The following ZNF512B variants were observed in gnomAD, a reference collection of about 807,000 sequenced individuals.
ZNF512B encodes the protein zinc finger protein 512B.
ZNF512B carries 22 observed loss-of-function variants against 87.8 expected under a neutral mutation model. That is an observed-to-expected ratio of 0.25 (90% CI 0.18 to 0.36). ZNF512B has a LOEUF of 0.36. Among genes scored for constraint, ZNF512B ranks in the 10% least tolerant of loss-of-function variants. ZNF512B has a pLI of 1.00. For synonymous variants in ZNF512B, 524 were observed against 490.9 expected (o/e 1.07, Z -0.89); for missense variants, 1,060 against 1,231.6 (o/e 0.86, Z 2.09).
chr20:63,962,683 C>T lies in ZNF512B; in HGVS notation c.2067G>A (p.Val689=). The T allele has an allele frequency of 6.2e-7, 1 of 1,604,660 alleles. No individual in the cohort carries two copies. Among genetic ancestry groups the T allele is most frequent in the Non-Finnish European group, 8.5e-7 (1 of 1,177,022 alleles). Reference sequence around the variant, plus strand: ...CTATCTCCTGCAGGTGGAACACCGCCACCTGGGCCGACGTGCGGCGGACAC... The same window carrying T: ...CTATCTCCTGCAGGTGGAACACCGCTACCTGGGCCGACGTGCGGCGGACAC... ...SGRVRRTSAQ[V]AVFHLQEIAE... Residue 689 remains valine (V), a synonymous_variant, in exon 13 of 17, where the codon GTG becomes GTA. Transcript: ENST00000369888.
Position 63,966,332 on chromosome 20 carries a change from A to T in ZNF512B, c.843T>A (p.Leu281=), listed in dbSNP as rs759111039. 1.9e-6 allele frequency: 3 copies of T among 1,594,582 alleles called. No homozygotes were observed. The highest frequency in any genetic ancestry group is 2.2e-5 in the South Asian group (2 of 89,548). The change falls in exon 5 of 17, where the codon CTT becomes CTA. Residue 281 remains leucine, a synonymous_variant. Transcript: ENST00000369888. The stretch of plus-strand genomic sequence containing the variant: ...CCGGCACGGGTTTCGTAACTGTCAC[A>T]AGCTTTGTTACCGTAATGGGTTTGG... The part of the protein sequence containing the change: ...PVTKPITVTK[L]VTVTKPVPVT...
rs989734169 is a variant in ZNF512B at position 63,961,634 on chromosome 20, C to T, written c.2329-227G>A. 2.6e-5 allele frequency among the ~76,000 whole-genome samples: 4 copies of T among 152,068 alleles called. No homozygotes were observed. The highest frequency in any genetic ancestry group is 5.9e-5 in the Non-Finnish European group (4 of 67,998). Reference sequence around the variant, plus strand: ...CAGGGGAAGAGTTGCAGACCTTTGCCGAGCATCCCTTATTGTAAGCCAGTG... The same window carrying T: ...CAGGGGAAGAGTTGCAGACCTTTGCTGAGCATCCCTTATTGTAAGCCAGTG... On this transcript the variant is annotated intron_variant, in intron 15 of 16. Coordinates refer to ENST00000369888, the MANE Select transcript of ZNF512B (RefSeq NM_020713.3). The surrounding 1 kb of genome is among the most constrained non-coding windows in gnomAD (Gnocchi z 6.4).
Position 63,961,674 on chromosome 20 carries a change from G to T in ZNF512B, c.2329-267C>A, listed in dbSNP as rs1235085151. 6.6e-6 allele frequency among the ~76,000 whole-genome samples: 1 copy of T among 152,124 alleles called. No homozygotes were observed. The highest frequency in any genetic ancestry group is 1.5e-5 in the Non-Finnish European group (1 of 68,018). ...GTAAGCCAGTGTGCCATCTGCGTGG[G>T]TCGGGGTGCCCACCCATGCCTACAT... is the stretch of plus-strand genomic sequence containing the variant. On this transcript the variant is annotated intron_variant, in intron 15 of 16. Transcript: ENST00000369888. This position sits in a 1 kb window ranked among gnomAD's most constrained non-coding sequence, Gnocchi z 6.4.
intron 1 of ZNF512B, among the ~76,000 whole-genome samples, chr20:63,968,633 C>T (rs1336951195): frequency 1.3e-5 from 2 of 152,226 alleles, no homozygotes; most frequent in Non-Finnish European, 2.9e-5. Flanking sequence ...CCTGTGCCGG[C>T]TGAACTATCC....
At chr20:63,967,322 G>T in intron 3 of ZNF512B, 59 bp downstream of exon 3, 1 of 1,536,858 alleles carries the variant, frequency 6.5e-7, no homozygotes. Flanking sequence ...TCAGGGCAGG[G>T]CAGTGGCTGG....
At position 63,961,229 on chromosome 20, in the gene ZNF512B, C is replaced by T. The variant is rs890446355; in HGVS notation, c.2427+80G>A. The T allele has an allele frequency of 4.2e-5, 57 of 1,367,782 alleles. No homozygotes were observed. In the South Asian group the frequency reaches 6.0e-4, roughly 14 times the overall value. The allele number at this position is 1,367,782 out of a possible 1,614,324, so 84.7% of individuals were successfully genotyped here. ...CCCATGCAGGCCACTGACCTCTCTA[C>T]CCCCAAGGGGTGCCCAACCCCAGCC... On this transcript the variant is annotated intron_variant, in intron 16 of 16. Transcript: ENST00000369888. This position sits in a 1 kb window ranked among gnomAD's most constrained non-coding sequence, Gnocchi z 6.4.
At position 63,959,897 on chromosome 20, in the gene ZNF512B, A is replaced by T. The variant is rs1348891241; in HGVS notation, c.2670T>A (p.Pro890=). 1 of 1,587,042 alleles carries T rather than the reference A, an allele frequency of 6.3e-7. No individual in the cohort carries two copies. The highest frequency in any genetic ancestry group is 2.2e-5 in the East Asian group (1 of 44,698). The change falls in exon 17 of 17, where the codon CCT becomes CCA. Residue 890 remains proline, a synonymous_variant. Transcript: ENST00000369888. The stretch of plus-strand genomic sequence containing the variant: ...GCCCCACGCACCATGCTCACTTTTC[A>T]GGCGCCTTGCTGACTCCCACCTTCC... ...TGRKVGVSKA[P]EK
rs1339160626 is a variant in ZNF512B, at chr20:63,963,136, C to G, written c.1927G>C (p.Ala643Pro). ...GAGCGCACGTGGTAGTCGTGGCCAG[C>G]CTTGGATCGGTACGTCTTGCCACAG... ...THCGKTYRSK[A>P]GHDYHVRSEH... The change falls in exon 12 of 17, where the codon GCT becomes CCT. Residue 643 changes from alanine (A) to proline (P), a missense_variant. This residue lies in a region of ZNF512B where 165 missense variants were observed against 173.0 expected (regional missense o/e 0.95). Coordinates refer to ENST00000369888, the MANE Select transcript of ZNF512B (RefSeq NM_020713.3). 1.9e-6 allele frequency: 3 copies of G among 1,556,554 alleles called. No homozygotes were observed. The highest frequency in any genetic ancestry group is 4.7e-5 in the East Asian group (2 of 42,232).
At position 63,969,720 on chromosome 20, in the gene ZNF512B, C is replaced by T; in HGVS notation, c.-3+94G>A. 2 of 142,818 alleles carry T rather than the reference C, an allele frequency of 1.4e-5. 1 individual carries two copies. Among genetic ancestry groups the T allele is most frequent in the South Asian group, 3.8e-4 (2 of 5,306 alleles). The allele number at this position is 142,818 out of a possible 1,614,324, so 8.8% of individuals were successfully genotyped here. A position where few individuals can be genotyped will look rare whatever the true frequency, so the allele number is the denominator to read the frequency against. ...GGGGCGGGGGGGCTCCGGGCCCGGC[C>T]CCCTCCTTGGCCTGCGCGCAGGGTC... On this transcript the variant is annotated intron_variant, in intron 1 of 16. Coordinates refer to ENST00000369888, the MANE Select transcript of ZNF512B (RefSeq NM_020713.3).
In ZNF512B at chr20:63,966,425, C is replaced by T; in HGVS notation, c.750G>A (p.Lys250=). 6.2e-7 allele frequency: 1 copy of T among 1,613,778 alleles called. No homozygotes were observed. The highest frequency in any genetic ancestry group is 8.5e-7 in the Non-Finnish European group (1 of 1,179,972). The part of the protein sequence containing the change: ...VTVSRPMPVT[K]AMPVTKPITV... ...TGATGGGTTTGGTGACCGGCATGGC[C>T]TTGGTGACGGGCATGGGCCTGCTGA... Residue 250 remains lysine (K), a synonymous_variant, in exon 5 of 17, where the codon AAG becomes AAA. Transcript: ENST00000369888.
chr20:63,962,102 G>T, intron 14 of ZNF512B, 98 bp from the exon 15 acceptor site: 2 of 1,418,054 alleles, frequency 1.4e-6, no homozygotes, highest in Non-Finnish European at 1.9e-6. Context: ...GCTCTTTGGG[G>T]CAAGTGAGGG....
At position 63,958,453 on chromosome 20, in the gene ZNF512B, GAC is replaced by G. The variant is rs1335878874; in HGVS notation, c.*1433_*1434del. 1 of 152,436 alleles carries G rather than the reference GAC, an allele frequency of 6.6e-6. No homozygotes were observed. Among genetic ancestry groups the G allele is most frequent in the Admixed American group, 6.5e-5 (1 of 15,288 alleles). The allele number at this position is 152,436 out of a possible 1,614,324, so 9.4% of individuals were successfully genotyped here. On this transcript the variant is annotated 3_prime_UTR_variant, in exon 17 of 17. Coordinates refer to ENST00000369888, the MANE Select transcript of ZNF512B (RefSeq NM_020713.3). ...AGACTGGCATCCACTACACCCAGGA[GAC>G]ACACGCACACGGGCAAACATCAAAA...
chr20:63,969,001 C>G lies in ZNF512B; in HGVS notation c.-3+813G>C, dbSNP rs955484254. 7 of 555,906 alleles carry G rather than the reference C, an allele frequency of 1.3e-5. No homozygotes were observed. In the East Asian group the frequency reaches 5.8e-4, roughly 46 times the overall value. 34.4% of individuals were successfully genotyped at this position (555,906 alleles called of 1,614,324 possible). ...TGATAGCTTCTAATTAACTTGGATC[C>G]GAGGGGATGGGAAGGGGCTGCTGTG... On this transcript the variant is annotated intron_variant, in intron 1 of 16. Transcript: ENST00000369888.
chr20:63,967,889 C>G lies in ZNF512B; in HGVS notation c.62G>C (p.Gly21Ala). 1 of 1,613,348 alleles carries G rather than the reference C, an allele frequency of 6.2e-7. No homozygotes were observed. The highest frequency in any genetic ancestry group is 1.7e-4 in the Middle Eastern group (1 of 6,058). The change falls in exon 2 of 17, where the codon GGG becomes GCG. Residue 21 changes from glycine (G) to alanine (A), a missense_variant. Gly to Ala is a moderately conservative substitution (Grantham distance 60). Around this residue, in one of 9 missense-constraint regions of ZNF512B, gnomAD observed 134 missense variants for 153.6 expected, o/e 0.87. Coordinates refer to ENST00000369888, the MANE Select transcript of ZNF512B (RefSeq NM_020713.3). ...RLPGSSKSGP[G>A]KDGSRKEVRL... ...GACCTCCTTTCGGCTGCCATCCTTC[C>G]CGGGACCACTCTTGCTGGACCCCGG...
chr20:63,960,163 A>C, intron 16 of ZNF512B, 24 bp from the exon 17 acceptor site: 1 of 1,612,144 alleles, frequency 6.2e-7, no homozygotes, highest in Non-Finnish European at 8.5e-7. Context: ...AGCGCTGATG[A>C]AGACCTGGGA....
Position 63,959,669 on chromosome 20 carries a change from G to C in ZNF512B, c.*219C>G. 3.2e-6 allele frequency: 2 copies of C among 622,270 alleles called. No homozygotes were observed. The highest frequency in any genetic ancestry group is 5.1e-5 in the South Asian group (2 of 39,174). The allele number at this position is 622,270 out of a possible 1,614,324, so 38.5% of individuals were successfully genotyped here. On this transcript the variant is annotated 3_prime_UTR_variant, in exon 17 of 17. Transcript: ENST00000369888. ...CTCCTGGCTATTGCACTTCTGCTGGGCACACCTTGGGGAGCCCCAACCCAG... is the reference window on the plus strand; with the variant it reads ...CTCCTGGCTATTGCACTTCTGCTGGCCACACCTTGGGGAGCCCCAACCCAG...
At chr20:63,962,445 T>A (rs952290891) in intron 13 of ZNF512B, 71 bp from the exon 14 acceptor site, 3 of 1,560,534 alleles carry the variant, frequency 1.9e-6, no homozygotes, top group Non-Finnish European at 2.6e-6. Flanking sequence ...AACACTCGCC[T>A]CGGCAGCAGG....
Position 63,964,515 on chromosome 20 carries a change from C to G in ZNF512B, c.1236G>C (p.Glu412Asp), listed in dbSNP as rs747745006. The stretch of plus-strand genomic sequence containing the variant: ...TGTGCTTTGTGCGCTCCGGGTCCTC[C>G]TCAGGCGGGGACGCAGGGCCTGCAG... ...LKAAGPASPP[E>D]EDPERTKHRR... The change falls in exon 6 of 17, where the codon GAG becomes GAC. Residue 412 changes from glutamate (E) to aspartate (D), a missense_variant. Transcript: ENST00000369888. 6.2e-7 allele frequency: 1 copy of G among 1,612,852 alleles called. No homozygotes were observed. The highest frequency in any genetic ancestry group is 8.5e-7 in the Non-Finnish European group (1 of 1,179,892).
At position 63,958,359 on chromosome 20, in the gene ZNF512B, A is replaced by G. The variant is rs2058812044; in HGVS notation, c.*1529T>C. The G allele has an allele frequency of 6.6e-6, 1 of 152,480 alleles. No individual in the cohort carries two copies. The highest frequency in any genetic ancestry group is 1.5e-5 in the Non-Finnish European group (1 of 68,072). 9.4% of individuals were successfully genotyped at this position (152,480 alleles called of 1,614,324 possible). ...TCTGCACCAGGAAACCCTTAGCACC[A>G]AATGTCGGATTGCGAGTGTTTGTAT... On this transcript the variant is annotated 3_prime_UTR_variant, in exon 17 of 17. Transcript: ENST00000369888.
Sources: allele counts gnomAD v4.1 joint callset (sites outside exome capture counted in the v4.1 genomes callset), GRCh38; gene constraint gnomAD v4.1.1; regional missense constraint gnomAD v4.1.1; non-coding constraint Gnocchi (gnomAD v3.1); transcripts MANE v1.5; gene names NCBI Gene and HGNC (gene_info 2026-07-23, HGNC 2026-07-21).